Variants in RSRC1 observed in about 807,000 individuals in gnomAD.
The protein encoded by RSRC1 is arginine and serine rich coiled-coil 1.
Under a neutral mutation model 49.1 loss-of-function variants are expected in RSRC1, and 39 were observed. The ratio of observed to expected loss-of-function variants is 0.79; its 90% CI spans 0.61 to 1.04. The LOEUF is 1.04. Among genes scored for constraint, RSRC1 ranks in the 50% least tolerant of loss-of-function variants. RSRC1 has a pLI of 0.00. For missense variants in RSRC1, 388 were observed against 402.4 expected (o/e 0.96, Z 0.31); for synonymous variants, 143 against 130.8 (o/e 1.09, Z -0.63).
intron 3 of RSRC1, among the ~76,000 whole-genome samples, chr3:158,202,084 G>A (rs1559940995): frequency 6.6e-6 from 1 of 151,996 alleles, no homozygotes; most frequent in African/African-American, 2.4e-5. Context: ...GTGCAATCTG[G>A]GCTCACTGCA....
intron 4 of RSRC1, among the ~76,000 whole-genome samples, chr3:158,258,675 C>T (rs531481629): frequency 5.3e-5 from 8 of 152,058 alleles, no homozygotes; most frequent in South Asian, 2.1e-4. Context: ...AGGCCAATAA[C>T]GCTTAGATTT....
At chr3:158,438,074 A>T (rs983278636) in intron 6 of RSRC1, among the ~76,000 whole-genome samples, 3 of 152,102 alleles carry the variant, frequency 2.0e-5, no homozygotes, top group Non-Finnish European at 4.4e-5. Flanking sequence ...CACAATTGCT[A>T]CAAAGAGAAT....
At chr3:158,182,196 G>C (rs375067543) in intron 3 of RSRC1, among the ~76,000 whole-genome samples, 6 of 152,116 alleles carry the variant, frequency 3.9e-5, no homozygotes, top group African/African-American at 1.2e-4. Flanking sequence ...GATGTCTGGG[G>C]AAGTGTGTTA....
chr3:158,239,958 T>G (rs1723474618), intron 4 of RSRC1, among the ~76,000 whole-genome samples: 1 of 152,166 alleles, frequency 6.6e-6, no homozygotes. Context: ...CTTTTCAAGT[T>G]CCAAAAAAAC....
At chr3:158,487,963 A>AAAAAAAAAAAAAAAAAAAAAAAG (rs1738895806) in intron 7 of RSRC1, among the ~76,000 whole-genome samples, 1 of 147,872 alleles carries the variant, frequency 6.8e-6, no homozygotes, top group Non-Finnish European at 1.5e-5. Flanking sequence ...AAAAAAAAAA[A>AAAAAAAAAAAAAAAAAAAAAAAG]AAAAAAAAAA....
At chr3:158,445,187 A>T (rs112646248) in intron 6 of RSRC1, among the ~76,000 whole-genome samples, 1 of 152,194 alleles carries the variant, frequency 6.6e-6, no homozygotes, top group Non-Finnish European at 1.5e-5. Context: ...TCATGCTACT[A>T]TAAAGACATA....
At chr3:158,202,543 G>A (rs1290397179) in intron 3 of RSRC1, among the ~76,000 whole-genome samples, 2 of 57,570 alleles carry the variant, frequency 3.5e-5, no homozygotes, top group Non-Finnish European at 6.7e-5. Context: ...ATTATCTGTA[G>A]GGTTGTCAGT....
intron 3 of RSRC1, among the ~76,000 whole-genome samples, chr3:158,172,941 C>T (rs1258047957): frequency 4.0e-5 from 6 of 151,762 alleles, no homozygotes; most frequent in Admixed American, 1.3e-4. Flanking sequence ...CTTTTTTATC[C>T]CCTTTGTAAG....
intron 7 of RSRC1, among the ~76,000 whole-genome samples, chr3:158,508,054 T>C (rs976662955): frequency 1.3e-5 from 2 of 152,122 alleles, no homozygotes; most frequent in Non-Finnish European, 2.9e-5. Flanking sequence ...GCCTAGATAA[T>C]AGAATGAGAG....
At chr3:158,374,355 T>C (rs911424019) in intron 6 of RSRC1, among the ~76,000 whole-genome samples, 1 of 152,132 alleles carries the variant, frequency 6.6e-6, no homozygotes, top group Non-Finnish European at 1.5e-5. Flanking sequence ...AACAGAGGTA[T>C]AGAGTGAGAC....
intron 7 of RSRC1, among the ~76,000 whole-genome samples, chr3:158,477,810 A>ATATATATATATATATATATG (rs1560059592): frequency 2.2e-5 from 2 of 90,472 alleles, no homozygotes; most frequent in Non-Finnish European, 5.4e-5. Flanking sequence ...ATATATATAT[A>ATATATATATATATATATATG]TATATATATA....
intron 5 of RSRC1, among the ~76,000 whole-genome samples, chr3:158,298,399 C>T (rs946931809): frequency 1.3e-5 from 2 of 151,966 alleles, no homozygotes; most frequent in African/African-American, 2.4e-5. Flanking sequence ...TGAAAACAAG[C>T]TTGTGTTTTA....
At position 158,539,439 on chromosome 3, in the gene RSRC1, G is replaced by T. The variant is rs112310429; in HGVS notation, c.759+2241G>T. 0.021 allele frequency among the ~76,000 whole-genome samples: 3,253 copies of T among 152,068 alleles called. 104 individuals are homozygous for T. The highest frequency in any genetic ancestry group is 0.075 in the African/African-American group (3,125 of 41,482). On this transcript the variant is annotated intron_variant, in intron 8 of 9. Coordinates refer to ENST00000611884, the MANE Select transcript of RSRC1 (RefSeq NM_001271838.2). This position sits in a 1 kb window ranked among gnomAD's most constrained non-coding sequence, Gnocchi z 4.1. ...CTGATAGTCCCTGATATATCATTGA[G>T]GAACCAAGATGCAGCTTGTTTTCAA...
chr3:158,479,536 C>T (rs1384189728), intron 7 of RSRC1, among the ~76,000 whole-genome samples: 1 of 151,862 alleles, frequency 6.6e-6, no homozygotes, highest in African/African-American at 2.4e-5. Context: ...ACTATAGCAC[C>T]ACCCAATTTT....
At chr3:158,160,127 A>C (rs1718132801) in intron 3 of RSRC1, among the ~76,000 whole-genome samples, 1 of 152,144 alleles carries the variant, frequency 6.6e-6, no homozygotes, top group African/African-American at 2.4e-5. Flanking sequence ...TTTTATAATG[A>C]ATATGAGAGA....
At chr3:158,245,647 G>A (rs1578238582) in intron 4 of RSRC1, among the ~76,000 whole-genome samples, 1 of 152,146 alleles carries the variant, frequency 6.6e-6, no homozygotes, top group Admixed American at 6.5e-5. Context: ...TTGTTGTGTG[G>A]GAGTCTAAAT....
intron 4 of RSRC1, among the ~76,000 whole-genome samples, chr3:158,226,511 T>C (rs1559950789): frequency 6.6e-6 from 1 of 151,990 alleles, no homozygotes; most frequent in Non-Finnish European, 1.5e-5. Flanking sequence ...GGTTCCCACC[T>C]TGGTTCAAGA....
intron 4 of RSRC1, among the ~76,000 whole-genome samples, chr3:158,258,613 T>TA (rs1276947986): frequency 6.6e-6 from 1 of 152,190 alleles, no homozygotes. Flanking sequence ...TCTCTGTTTT[T>TA]ATCCCTTTGA....
intron 5 of RSRC1, among the ~76,000 whole-genome samples, chr3:158,343,472 G>A (rs1196754228): frequency 2.0e-5 from 3 of 152,162 alleles, no homozygotes; most frequent in Admixed American, 6.5e-5. Context: ...TACACCGTAT[G>A]TTAAAGAGAA....
Sources: allele counts gnomAD v4.1 joint callset (sites outside exome capture counted in the v4.1 genomes callset), GRCh38; gene constraint gnomAD v4.1.1; non-coding constraint Gnocchi (gnomAD v3.1); transcripts MANE v1.5; gene names NCBI Gene and HGNC (gene_info 2026-07-23, HGNC 2026-07-21).